Variants in IFT56 observed in about 807,000 individuals in gnomAD.
The protein encoded by IFT56 is intraflagellar transport protein 56.
At chr7:139,160,066 A>G in the IFT56 span, among the ~76,000 whole-genome samples, 3 of 152,178 alleles carry the variant, frequency 2.0e-5, no homozygotes, top group African/African-American at 7.2e-5. Context: ...GATGTAACCT[A>G]ATATTACCCA....
At chr7:139,188,281 A>G in the IFT56 span, among the ~76,000 whole-genome samples, 2 of 151,770 alleles carry the variant, frequency 1.3e-5, no homozygotes, top group African/African-American at 2.4e-5. Flanking sequence ...TTGTATTTTT[A>G]GTAGGGGCAG....
chr7:139,182,109 G>T, the IFT56 span, among the ~76,000 whole-genome samples: 1 of 152,028 alleles, frequency 6.6e-6, no homozygotes, highest in Non-Finnish European at 1.5e-5. Flanking sequence ...GAGGGGCGGG[G>T]GGAGTTGGAA....
chr7:139,148,389 AGT>A, the IFT56 span: 2 of 1,600,208 alleles, frequency 1.2e-6, no homozygotes, highest in Admixed American at 3.4e-5. Context: ...TATTGATGGA[AGT>A]GTGTTTTTAA....
chr7:139,158,817 G>C, the IFT56 span, among the ~76,000 whole-genome samples: 26 of 152,168 alleles, frequency 1.7e-4, 1 homozygote, highest in African/African-American at 5.3e-4. Context: ...GGGAGGCTGA[G>C]GTGGGAGGAT....
chr7:139,186,499 A>C, the IFT56 span, among the ~76,000 whole-genome samples: 1 of 152,172 alleles, frequency 6.6e-6, no homozygotes, highest in Non-Finnish European at 1.5e-5. Flanking sequence ...ATGGCATTCA[A>C]CATGTTCTAT....
chr7:139,165,675 A>G, the IFT56 span, among the ~76,000 whole-genome samples: 2 of 152,150 alleles, frequency 1.3e-5, no homozygotes, highest in African/African-American at 4.8e-5. Context: ...CTTATGAGAA[A>G]TACTATGATT....
chr7:139,163,380 G>T, the IFT56 span, among the ~76,000 whole-genome samples: 3 of 151,802 alleles, frequency 2.0e-5, no homozygotes, highest in African/African-American at 7.3e-5. Flanking sequence ...TGGCATTGTT[G>T]TTATTATTGT....
the IFT56 span, among the ~76,000 whole-genome samples, chr7:139,156,445 A>G: frequency 6.6e-6 from 1 of 151,618 alleles, no homozygotes; most frequent in Non-Finnish European, 1.5e-5. Context: ...TCTTTTTTAA[A>G]TATAGGCATT....
chr7:139,181,071 A>G, the IFT56 span: 1 of 1,489,604 alleles, frequency 6.7e-7, no homozygotes, highest in Non-Finnish European at 9.3e-7. Flanking sequence ...TTTGTTTACA[A>G]ATCTTTGTTT....
the IFT56 span, chr7:139,147,109 A>C: frequency 6.2e-7 from 1 of 1,608,776 alleles, no homozygotes. Context: ...CACTAATATG[A>C]ATCTTTACAT....
the IFT56 span, chr7:139,147,407 A>T: frequency 1.2e-6 from 1 of 867,688 alleles, no homozygotes; most frequent in South Asian, 2.7e-5. Flanking sequence ...AAATCTGTTT[A>T]GTTGATAATT....
the IFT56 span, among the ~76,000 whole-genome samples, chr7:139,142,492 T>G: frequency 6.6e-6 from 1 of 152,178 alleles, no homozygotes; most frequent in Non-Finnish European, 1.5e-5. Flanking sequence ...CCTACTGCAT[T>G]TATTCAGAGA....
chr7:139,134,593 A>G, the IFT56 span: 1 of 1,511,728 alleles, frequency 6.6e-7, no homozygotes, highest in Non-Finnish European at 8.9e-7. Context: ...CAGAGCTGTC[A>G]CTCTCAGTTT....
chr7:139,168,647 A>C, the IFT56 span: 1 of 433,210 alleles, frequency 2.3e-6, no homozygotes, highest in Non-Finnish European at 4.3e-6. Context: ...TTAAATAGCA[A>C]CTTATTTAAT....
At chr7:139,164,829 G>C in the IFT56 span, among the ~76,000 whole-genome samples, 1 of 152,248 alleles carries the variant, frequency 6.6e-6, no homozygotes, top group East Asian at 1.9e-4. Flanking sequence ...AGGGTATAGA[G>C]AGAGTGATAA....
chr7:139,174,886 G>A, the IFT56 span, among the ~76,000 whole-genome samples: 1 of 151,994 alleles, frequency 6.6e-6, no homozygotes, highest in Admixed American at 6.6e-5. Context: ...GCTGGGCATG[G>A]TGGTGGCACC....
the IFT56 span, chr7:139,147,156 GA>G: frequency 6.2e-7 from 1 of 1,612,268 alleles, no homozygotes; most frequent in Non-Finnish European, 8.5e-7. Flanking sequence ...TTAATGATGA[GA>G]AAAAATTGAT....
At chr7:139,189,320 G>C in the IFT56 span, 1 of 1,594,940 alleles carries the variant, frequency 6.3e-7, no homozygotes, top group Non-Finnish European at 8.5e-7. Flanking sequence ...CTTTTCCTCA[G>C]AGAGACCCTT....
chr7:139,189,203 G>A, the IFT56 span: 1 of 683,846 alleles, frequency 1.5e-6, no homozygotes, highest in Admixed American at 2.5e-5. Context: ...CAGTGAAAGA[G>A]TCTATTACCA....
Sources: gnomAD v4.1 joint callset for allele counts (sites outside exome capture counted in the v4.1 genomes callset) on GRCh38, gnomAD v4.1.1 for gene constraint, MANE v1.5 for transcripts, NCBI Gene and HGNC (gene_info 2026-07-23, HGNC 2026-07-21) for gene names.